GRM8: variants seen among roughly 807,000 people sequenced by gnomAD.
GRM8 encodes the protein metabotropic glutamate receptor 8.
GRM8 carries 47 observed loss-of-function variants against 87.2 expected under a neutral mutation model. The ratio of observed to expected loss-of-function variants is 0.54; its 90% CI spans 0.43 to 0.69. The LOEUF (loss-of-function observed/expected upper bound fraction) is 0.69, where lower values mean the gene tolerates loss of function less well. Ranked by LOEUF, GRM8 falls within the 30% of genes least tolerant of loss-of-function variation. The probability of loss-of-function intolerance (pLI) is 0.00; values close to 1 mark genes in which losing one functional copy is unlikely to be tolerated. For synonymous variants in GRM8, 396 were observed against 404.5 expected (o/e 0.98, Z 0.25); for missense variants, 1,019 against 1,139.2 (o/e 0.89, Z 1.52).
At chr7:127,176,596 C>T (rs1794121739) in intron 2 of GRM8, among the ~76,000 whole-genome samples, 1 of 152,150 alleles carries the variant, frequency 6.6e-6, no homozygotes, top group African/African-American at 2.4e-5. Context: ...ACCCACAGAC[C>T]CTCTGAAGGA....
chr7:126,562,211 G>A (rs748744151), intron 8 of GRM8, among the ~76,000 whole-genome samples: 1 of 152,120 alleles, frequency 6.6e-6, no homozygotes, highest in Non-Finnish European at 1.5e-5. Context: ...GAGATAAAGT[G>A]TCTTGCTGTC....
At chr7:126,966,533 A>G (rs1809883431) in intron 3 of GRM8, among the ~76,000 whole-genome samples, 2 of 152,204 alleles carry the variant, frequency 1.3e-5, no homozygotes, top group Admixed American at 6.5e-5. Flanking sequence ...ATACAGAATA[A>G]TATTATGATG....
chr7:127,043,463 T>C (rs894330322), intron 3 of GRM8, among the ~76,000 whole-genome samples: 1 of 152,250 alleles, frequency 6.6e-6, no homozygotes, highest in East Asian at 1.9e-4. Context: ...ATGTCCTTTG[T>C]AGGGACATGG....
At chr7:126,926,634 TCTGAA>T (rs1805157381) in intron 3 of GRM8, among the ~76,000 whole-genome samples, 1 of 152,188 alleles carries the variant, frequency 6.6e-6, no homozygotes, top group South Asian at 2.1e-4. Context: ...CAGGACAAAA[TCTGAA>T]CTTCACGGCA....
chr7:127,060,327 T>C (rs560222438), intron 3 of GRM8, among the ~76,000 whole-genome samples: 208 of 152,212 alleles, frequency 1.4e-3, no homozygotes, highest in African/African-American at 4.5e-3. Context: ...TATACACATA[T>C]ATATTCATTA....
intron 7 of GRM8, among the ~76,000 whole-genome samples, chr7:126,674,837 A>C (rs1184683716): frequency 6.6e-6 from 1 of 152,196 alleles, no homozygotes; most frequent in Non-Finnish European, 1.5e-5. Context: ...GGGGGAAAAA[A>C]GAATCAGAAT....
chr7:126,610,200 T>C (rs551675146), intron 7 of GRM8, among the ~76,000 whole-genome samples: 1 of 152,220 alleles, frequency 6.6e-6, no homozygotes, highest in Non-Finnish European at 1.5e-5. Context: ...TTTCTCTTAA[T>C]AGTTTCTGCT....
At chr7:126,723,536 T>C (rs568488865) in intron 7 of GRM8, among the ~76,000 whole-genome samples, 1 of 146,134 alleles carries the variant, frequency 6.8e-6, no homozygotes, top group African/African-American at 2.6e-5. Context: ...TTTGTAATTA[T>C]TAATGCTCAG....
chr7:127,088,400 G>C (rs2132867943), intron 3 of GRM8, among the ~76,000 whole-genome samples: 1 of 152,310 alleles, frequency 6.6e-6, no homozygotes, highest in South Asian at 2.1e-4. Context: ...ACAAAGCTGG[G>C]GAGAATGCTC....
intron 6 of GRM8, among the ~76,000 whole-genome samples, chr7:126,772,623 G>T (rs184002152): frequency 6.6e-6 from 1 of 152,188 alleles, no homozygotes; most frequent in Admixed American, 6.6e-5. Flanking sequence ...TAGATCTATT[G>T]TTTAGAGAAT....
At chr7:127,030,527 C>CT (rs745586870) in intron 3 of GRM8, among the ~76,000 whole-genome samples, 2 of 152,102 alleles carry the variant, frequency 1.3e-5, no homozygotes, top group African/African-American at 2.4e-5. Flanking sequence ...AGTTTACTCT[C>CT]TGTTTATCTC....
chr7:126,587,945 A>C (rs1424370115), intron 8 of GRM8, among the ~76,000 whole-genome samples: 3 of 152,040 alleles, frequency 2.0e-5, no homozygotes, highest in Non-Finnish European at 4.4e-5. Context: ...ACAGTCACTA[A>C]GTTTAAAGTA....
intron 9 of GRM8, among the ~76,000 whole-genome samples, chr7:126,500,532 A>G (rs1809481775): frequency 6.6e-6 from 1 of 151,992 alleles, no homozygotes; most frequent in African/African-American, 2.4e-5. Flanking sequence ...ATTCTTCCTC[A>G]GAGGACTAAG....
At chr7:126,664,308 A>T (rs942844475) in intron 7 of GRM8, among the ~76,000 whole-genome samples, 1 of 152,216 alleles carries the variant, frequency 6.6e-6, no homozygotes, top group Non-Finnish European at 1.5e-5. Flanking sequence ...TATGGAACCA[A>T]AAAAGAGCCC....
At chr7:126,581,245 A>C (rs983400951) in intron 8 of GRM8, among the ~76,000 whole-genome samples, 4 of 152,164 alleles carry the variant, frequency 2.6e-5, no homozygotes, top group African/African-American at 7.2e-5. Flanking sequence ...AAAATGAATA[A>C]AATTCTGCCC....
At chr7:126,876,770 G>T (rs929813795) in intron 6 of GRM8, among the ~76,000 whole-genome samples, 9 of 151,958 alleles carry the variant, frequency 5.9e-5, no homozygotes, top group Non-Finnish European at 1.2e-4. Context: ...GTACTTATTC[G>T]TAGAATTGCT....
At chr7:126,683,159 C>T (rs986391487) in intron 7 of GRM8, among the ~76,000 whole-genome samples, 2 of 152,214 alleles carry the variant, frequency 1.3e-5, no homozygotes, top group Non-Finnish European at 2.9e-5. Flanking sequence ...GGGAAACCTG[C>T]GCAAGTGAGA....
intron 8 of GRM8, among the ~76,000 whole-genome samples, chr7:126,545,600 T>C (rs769061410): frequency 1.3e-5 from 2 of 152,198 alleles, no homozygotes; most frequent in Admixed American, 6.5e-5. Flanking sequence ...TTAAAAGTAC[T>C]ATAGTATTCA....
rs548291524 is a variant in GRM8 at position 126,568,979 on chromosome 7, G to A, written c.1495-35092C>T. On this transcript the variant is annotated intron_variant, in intron 8 of 10. Coordinates refer to ENST00000339582, the MANE Select transcript of GRM8 (RefSeq NM_000845.3). ...AAAAACAATCAGGATACATAATCCT[G>A]AATAAATAAACCAGAGAAGAACAAT... Among the ~76,000 whole-genome samples the A allele has an allele frequency of 7.9e-5, 12 of 152,198 alleles. No individual in the cohort carries two copies. The South Asian group carries it at 2.5e-3, about 32-fold the overall frequency.
Sources: allele counts gnomAD v4.1 joint callset (sites outside exome capture counted in the v4.1 genomes callset), GRCh38; gene constraint gnomAD v4.1.1; transcripts MANE v1.5; gene names NCBI Gene and HGNC (gene_info 2026-07-23, HGNC 2026-07-21).